Variants in RABGAP1L observed in about 807,000 individuals in gnomAD.
The protein encoded by RABGAP1L is rab GTPase-activating protein 1-like.
A neutral mutation model predicts 137.7 loss-of-function variants in RABGAP1L; 63 were observed. The ratio of observed to expected loss-of-function variants is 0.46; its 90% CI spans 0.37 to 0.56. RABGAP1L has a LOEUF of 0.56. RABGAP1L is among the 20% of genes least tolerant of loss of function. The pLI, the probability that RABGAP1L is intolerant of heterozygous loss-of-function variation, is 0.00. For synonymous variants in RABGAP1L, 431 were observed against 433.7 expected (o/e 0.99, Z 0.08); for missense variants, 1,095 against 1,244.0 (o/e 0.88, Z 1.80).
intron 11 of RABGAP1L, among the ~76,000 whole-genome samples, chr1:174,349,725 G>A (rs1241807867): frequency 7.2e-6 from 1 of 138,070 alleles, no homozygotes; most frequent in African/African-American, 2.6e-5. Context: ...GGCTGGCCGG[G>A]CGGGGGGCTG....
intron 13 of RABGAP1L, among the ~76,000 whole-genome samples, chr1:174,631,996 C>A (rs1442288583): frequency 1.0e-5 from 1 of 100,360 alleles, no homozygotes; most frequent in East Asian, 2.7e-4. Context: ...TCTCGATGGT[C>A]TTTACATTTT....
chr1:174,975,358 T>C (rs1273375488), intron 21 of RABGAP1L, among the ~76,000 whole-genome samples: 2 of 152,232 alleles, frequency 1.3e-5, no homozygotes, highest in Non-Finnish European at 2.9e-5. Flanking sequence ...CCATGTGAAC[T>C]TGAAGCCGAG....
At chr1:174,931,993 T>G (rs1486218527) in intron 19 of RABGAP1L, among the ~76,000 whole-genome samples, 4 of 117,756 alleles carry the variant, frequency 3.4e-5, no homozygotes, top group Non-Finnish European at 7.2e-5. Context: ...TTTTTTGGTT[T>G]TTTTTTTTTT....
At position 174,241,539 on chromosome 1, in the gene RABGAP1L, T is replaced by C. The variant is rs1388581433; in HGVS notation, c.599T>C (p.Leu200Ser). 1.2e-6 allele frequency: 2 copies of C among 1,613,238 alleles called. No homozygotes were observed. The highest frequency in any genetic ancestry group is 2.2e-5 in the South Asian group (2 of 91,036). ...EIASFPIYKV[L>S]FCARGHDGTT... ...GCATCTTTTCCAATCTATAAGGTGT[T>C]ATTCTGTGCACGTGGACATGACGGA... The change falls in exon 5 of 26, where the codon TTA becomes TCA. Residue 200 changes from leucine to serine, a missense_variant. Around this residue, in one of 4 missense-constraint regions of RABGAP1L, gnomAD observed 356 missense variants for 326.3 expected, o/e 1.09. Transcript: ENST00000681986.
chr1:174,815,491 C>G (rs1350973876), intron 19 of RABGAP1L, among the ~76,000 whole-genome samples: 1 of 152,106 alleles, frequency 6.6e-6, no homozygotes, highest in Non-Finnish European at 1.5e-5. Context: ...ATAGTTGTGT[C>G]TTTTTTGAAT....
At chr1:174,389,834 A>AT (rs980892290) in intron 12 of RABGAP1L, among the ~76,000 whole-genome samples, 3 of 152,122 alleles carry the variant, frequency 2.0e-5, no homozygotes, top group African/African-American at 7.2e-5. Context: ...AACCTAGCCA[A>AT]TTACTGTATG....
At chr1:174,865,911 G>T (rs376197285) in intron 19 of RABGAP1L, among the ~76,000 whole-genome samples, 49 of 152,238 alleles carry the variant, frequency 3.2e-4, no homozygotes, top group African/African-American at 1.1e-3. Context: ...TCTCAACTGT[G>T]CTCATATCTC....
intron 13 of RABGAP1L, among the ~76,000 whole-genome samples, chr1:174,444,119 G>T (rs1654469015): frequency 6.6e-6 from 1 of 151,480 alleles, no homozygotes; most frequent in Non-Finnish European, 1.5e-5. Flanking sequence ...GATGCCTCTA[G>T]CTTTGTTCTT....
At chr1:174,922,832 A>C (rs1036401278) in intron 19 of RABGAP1L, among the ~76,000 whole-genome samples, 1 of 152,208 alleles carries the variant, frequency 6.6e-6, no homozygotes, top group South Asian at 2.1e-4. Context: ...AGGCAAATCA[A>C]CTTAATCTTG....
At chr1:174,415,657 G>A (rs1444380938) in intron 13 of RABGAP1L, among the ~76,000 whole-genome samples, 1 of 152,058 alleles carries the variant, frequency 6.6e-6, no homozygotes, top group African/African-American at 2.4e-5. Flanking sequence ...CAGTTCTGGT[G>A]TGAAGTAGAA....
chr1:174,782,445 A>G (rs1687088390), intron 18 of RABGAP1L, among the ~76,000 whole-genome samples: 1 of 152,196 alleles, frequency 6.6e-6, no homozygotes, highest in Non-Finnish European at 1.5e-5. Flanking sequence ...GAAGTTGCTT[A>G]TCAGCTTAAG....
intron 13 of RABGAP1L, among the ~76,000 whole-genome samples, chr1:174,422,335 CT>C (rs1444172980): frequency 6.6e-6 from 1 of 151,788 alleles, no homozygotes; most frequent in East Asian, 1.9e-4. Context: ...TGTATCTAGG[CT>C]GCCTGTGCTA....
intron 13 of RABGAP1L, among the ~76,000 whole-genome samples, chr1:174,445,615 T>C (rs772100640): frequency 2.6e-5 from 4 of 152,210 alleles, no homozygotes; most frequent in Non-Finnish European, 5.9e-5. Flanking sequence ...TAAGTTCTGT[T>C]AATTAAAATG....
chr1:174,551,665 A>T (rs1666556052), intron 13 of RABGAP1L, among the ~76,000 whole-genome samples: 1 of 152,122 alleles, frequency 6.6e-6, no homozygotes, highest in Non-Finnish European at 1.5e-5. Flanking sequence ...AAGTAAGCAT[A>T]AATAAATAAA....
chr1:174,807,434 A>G (rs1689417926), intron 18 of RABGAP1L, among the ~76,000 whole-genome samples: 3 of 152,212 alleles, frequency 2.0e-5, no homozygotes, highest in African/African-American at 4.8e-5. Flanking sequence ...AAAACATCCA[A>G]TCTTTGCCGA....
In RABGAP1L at chr1:174,420,889, A is replaced by G. The variant is rs548200325; in HGVS notation, c.1710+26744A>G. Among the ~76,000 whole-genome samples the G allele has an allele frequency of 1.1e-4, 16 of 151,946 alleles. 1 individual carries two copies. In the East Asian group the frequency reaches 2.9e-3, roughly 28 times the overall value. ...ATGGGGTTTCACCGTGTTCGCCAGG[A>G]TGGTCTCGATCTCCTGACTTCATGA... On this transcript the variant is annotated intron_variant, in intron 13 of 25. Transcript: ENST00000681986.
At chr1:174,960,213 A>G (rs748141771) in intron 20 of RABGAP1L, among the ~76,000 whole-genome samples, 9 of 152,192 alleles carry the variant, frequency 5.9e-5, no homozygotes, top group South Asian at 4.1e-4. Flanking sequence ...ATGTTATATA[A>G]TAAGATATTT....
rs184926454 is a variant in RABGAP1L, at chr1:174,255,809, A to G, written c.986+3219A>G. 5.2e-4 allele frequency among the ~76,000 whole-genome samples: 79 copies of G among 152,300 alleles called. 2 individuals are homozygous for G. Among genetic ancestry groups the G allele is most frequent in the Admixed American group, 2.0e-3 (30 of 15,296 alleles). ...CCAAAGTGCTGGGATTACAGGCATAAGCCACTGTGCCCAGCTTGCACTCTC... is the reference window on the plus strand; with the variant it reads ...CCAAAGTGCTGGGATTACAGGCATAGGCCACTGTGCCCAGCTTGCACTCTC... On this transcript the variant is annotated intron_variant, in intron 7 of 25. Transcript: ENST00000681986.
chr1:174,495,019 C>T (rs1572049741), intron 13 of RABGAP1L, among the ~76,000 whole-genome samples: 1 of 152,068 alleles, frequency 6.6e-6, no homozygotes, highest in Non-Finnish European at 1.5e-5. Flanking sequence ...TTATCAATCC[C>T]TTATCCTCCT....
Sources: gnomAD v4.1 joint callset for allele counts (sites outside exome capture counted in the v4.1 genomes callset) on GRCh38, gnomAD v4.1.1 for gene constraint, gnomAD v4.1.1 regional missense constraint, MANE v1.5 for transcripts, NCBI Gene and HGNC (gene_info 2026-07-23, HGNC 2026-07-21) for gene names.